The following PARD3B variants were observed in gnomAD, a reference collection of about 807,000 sequenced individuals.
The protein encoded by PARD3B is partitioning defective 3 homolog B.
A neutral mutation model predicts 130.2 loss-of-function variants in PARD3B; 103 were observed. The observed-to-expected ratio is 0.79, with a 90% confidence interval of 0.67 to 0.93. PARD3B has a LOEUF of 0.93. Among genes scored for constraint, PARD3B ranks in the 40% least tolerant of loss-of-function variants. PARD3B has a pLI of 0.00. For missense variants in PARD3B, 1,609 were observed against 1,499.2 expected (o/e 1.07, Z -1.21); for synonymous variants, 583 against 553.2 (o/e 1.05, Z -0.76).
chr2:204,669,709 G>A lies in PARD3B; in HGVS notation c.121-16472G>A, dbSNP rs10168149. Among the ~76,000 whole-genome samples, 4 of 152,044 alleles carry A rather than the reference G, an allele frequency of 2.6e-5. No homozygotes were observed. The highest frequency in any genetic ancestry group is 6.6e-5 in the Admixed American group (1 of 15,232). ...AAAGTATGGTTATCATTACAGAAAAGAATGTAAATATTTGCAACTTCAGTA... is the reference window on the plus strand; with the variant it reads ...AAAGTATGGTTATCATTACAGAAAAAAATGTAAATATTTGCAACTTCAGTA... On this transcript the variant is annotated intron_variant, in intron 1 of 22. Coordinates refer to ENST00000406610, the MANE Select transcript of PARD3B (RefSeq NM_001302769.2). The surrounding 1 kb of genome is among the most constrained non-coding windows in gnomAD (Gnocchi z 4.3).
chr2:205,030,905 G>A (rs1697369605), intron 3 of PARD3B, among the ~76,000 whole-genome samples: 1 of 152,116 alleles, frequency 6.6e-6, no homozygotes, highest in Non-Finnish European at 1.5e-5. Context: ...CTTTTATGCT[G>A]TGCTAAGAAT....
At chr2:204,716,897 C>G (rs2125311753) in intron 2 of PARD3B, among the ~76,000 whole-genome samples, 1 of 152,280 alleles carries the variant, frequency 6.6e-6, no homozygotes, top group East Asian at 1.9e-4. Context: ...GGTGGGATTA[C>G]AGGCGTGAGC....
intron 2 of PARD3B, among the ~76,000 whole-genome samples, chr2:204,745,443 C>T (rs992629719): frequency 2.6e-5 from 4 of 151,360 alleles, no homozygotes; most frequent in African/African-American, 9.7e-5. Flanking sequence ...TGCTCTGTCA[C>T]CTGGGCTGGA....
At position 204,677,183 on chromosome 2, in the gene PARD3B, G is replaced by A. The variant is rs1289519720; in HGVS notation, c.121-8998G>A. The stretch of plus-strand genomic sequence containing the variant: ...TATTTACGGAGGTCTAAGTGTTTAA[G>A]GTAAAACTTTTACATAAAATATAGT... On this transcript the variant is annotated intron_variant, in intron 1 of 22. Transcript: ENST00000406610. This position sits in a 1 kb window ranked among gnomAD's most constrained non-coding sequence, Gnocchi z 4.1. 6.6e-6 allele frequency among the ~76,000 whole-genome samples: 1 copy of A among 151,994 alleles called. No individual in the cohort carries two copies. The highest frequency in any genetic ancestry group is 1.5e-5 in the Non-Finnish European group (1 of 68,008).
rs916184528 is a variant in PARD3B, at chr2:205,585,808, G to A, written c.3261-29648G>A. Among the ~76,000 whole-genome samples the A allele has an allele frequency of 5.9e-5, 9 of 152,134 alleles. No individual in the cohort carries two copies. Among genetic ancestry groups the A allele is most frequent in the African/African-American group, 2.2e-4 (9 of 41,412 alleles). On this transcript the variant is annotated intron_variant, in intron 22 of 22. Transcript: ENST00000406610. The surrounding 1 kb of genome is among the most constrained non-coding windows in gnomAD (Gnocchi z 5.4). ...TGAACTGGATTTCGGTAGCTTTGTG[G>A]GCTCTTGCAGAAAGAAAGCCTTGTC... is the stretch of plus-strand genomic sequence containing the variant.
In PARD3B at chr2:205,352,371, T is replaced by G. The variant is rs1215598623; in HGVS notation, c.2631-48642T>G. Among the ~76,000 whole-genome samples the G allele has an allele frequency of 6.6e-6, 1 of 152,200 alleles. No individual in the cohort carries two copies. Among genetic ancestry groups the G allele is most frequent in the Non-Finnish European group, 1.5e-5 (1 of 68,036 alleles). The stretch of plus-strand genomic sequence containing the variant: ...ATGTCGTGGATTACAGGGACTCTTG[T>G]AAATGGGTTTCATATGGTAACTAGT... On this transcript the variant is annotated intron_variant, in intron 18 of 22. Transcript: ENST00000406610. This position sits in a 1 kb window ranked among gnomAD's most constrained non-coding sequence, Gnocchi z 5.2.
At chr2:205,348,579 T>G (rs538028022) in intron 18 of PARD3B, among the ~76,000 whole-genome samples, 2 of 152,268 alleles carry the variant, frequency 1.3e-5, no homozygotes, top group African/African-American at 4.8e-5. Flanking sequence ...GATCAAAGAA[T>G]CAGGTGGGCA....
intron 3 of PARD3B, among the ~76,000 whole-genome samples, chr2:204,994,994 T>G (rs1477696155): frequency 6.6e-6 from 1 of 151,196 alleles, no homozygotes; most frequent in Admixed American, 6.6e-5. Flanking sequence ...GAGATGGGTT[T>G]CCTGAATACA....
In PARD3B at chr2:205,000,001, G is replaced by A. The variant is rs568052498; in HGVS notation, c.394+34678G>A. On this transcript the variant is annotated intron_variant, in intron 3 of 22. Transcript: ENST00000406610. ...AATTGTTACCAATGAGAAATATAAGGAGTGTTCAAGTCACAGGGTTTTTTT... is the reference window on the plus strand; with the variant it reads ...AATTGTTACCAATGAGAAATATAAGAAGTGTTCAAGTCACAGGGTTTTTTT... Among the ~76,000 whole-genome samples the A allele has an allele frequency of 1.5e-3, 228 of 152,020 alleles. 1 individual carries two copies. The highest frequency in any genetic ancestry group is 5.1e-3 in the African/African-American group (213 of 41,408).
intron 2 of PARD3B, among the ~76,000 whole-genome samples, chr2:204,845,709 A>G (rs920457403): frequency 5.3e-5 from 8 of 152,036 alleles, no homozygotes; most frequent in African/African-American, 1.9e-4. Flanking sequence ...AAGTGAATAG[A>G]CTCTGATTTC....
At chr2:205,384,170 G>A (rs529244690) in intron 18 of PARD3B, among the ~76,000 whole-genome samples, 4 of 152,156 alleles carry the variant, frequency 2.6e-5, no homozygotes, top group African/African-American at 9.6e-5. Flanking sequence ...AGAGAGAATG[G>A]ATAATTGAAA....
At chr2:205,285,389 G>A (rs895927319) in intron 16 of PARD3B, among the ~76,000 whole-genome samples, 1 of 152,136 alleles carries the variant, frequency 6.6e-6, no homozygotes, top group African/African-American at 2.4e-5. Context: ...ATCCTAGCTA[G>A]GGCATGGTAT....
rs554535862 is a variant in PARD3B at position 204,983,086 on chromosome 2, A to G, written c.394+17763A>G. On this transcript the variant is annotated intron_variant, in intron 3 of 22. Transcript: ENST00000406610. Reference sequence around the variant, plus strand: ...TTTAGTGCTTTCTACCTGATTGAGTATTTTTCAGGAGGTTGTTACTGCTGT... The same window carrying G: ...TTTAGTGCTTTCTACCTGATTGAGTGTTTTTCAGGAGGTTGTTACTGCTGT... 1.2e-4 allele frequency among the ~76,000 whole-genome samples: 18 copies of G among 152,080 alleles called. No homozygotes were observed. The South Asian group carries it at 3.7e-3, about 32-fold the overall frequency.
chr2:204,998,440 G>GTGTATATATATGTATATTATATA lies in PARD3B; in HGVS notation c.394+33130_394+33131insATATTATATATGTATATATATGT, dbSNP rs1559341887. On this transcript the variant is annotated intron_variant, in intron 3 of 22. Coordinates refer to ENST00000406610, the MANE Select transcript of PARD3B (RefSeq NM_001302769.2). Reference sequence around the variant, plus strand: ...TGTATATATGTGTATATATATGTGTGTGTATATATATGTGTATATTATATA... The same window carrying GTGTATATATATGTATATTATATA: ...TGTATATATGTGTATATATATGTGTGTGTATATATATGTATATTATATATGTATATATATGTGTATATTATATA... Among the ~76,000 whole-genome samples the GTGTATATATATGTATATTATATA allele has an allele frequency of 8.6e-4, 15 of 17,402 alleles. 1 individual carries two copies. The East Asian group carries it at 0.051, about 60-fold the overall frequency. The allele number at this position is 17,402 out of a possible 152,430, so 11.4% of individuals were successfully genotyped here.
chr2:205,153,821 G>A (rs1288575533), intron 10 of PARD3B, among the ~76,000 whole-genome samples: 3 of 152,210 alleles, frequency 2.0e-5, no homozygotes, highest in Admixed American at 1.3e-4. Context: ...AATAAATGGT[G>A]CTGGGAAAAC....
intron 1 of PARD3B, among the ~76,000 whole-genome samples, chr2:204,553,560 G>GTGTA (rs1491343457): frequency 3.9e-4 from 26 of 66,150 alleles, no homozygotes; most frequent in African/African-American, 1.1e-3. Context: ...GTGTGTGTGT[G>GTGTA]TATATATATA....
chr2:204,861,941 A>G (rs1180711866), intron 2 of PARD3B, among the ~76,000 whole-genome samples: 2 of 151,024 alleles, frequency 1.3e-5, no homozygotes, highest in African/African-American at 2.4e-5. Flanking sequence ...AAAAAAAAAA[A>G]AAAAAAAAAA....
chr2:205,090,825 C>T (rs1702059063), intron 4 of PARD3B, among the ~76,000 whole-genome samples: 1 of 152,136 alleles, frequency 6.6e-6, no homozygotes, highest in African/African-American at 2.4e-5. Context: ...AAAAGATTGG[C>T]CCATTAGTGT....
At chr2:205,149,765 G>T in intron 10 of PARD3B, among the ~76,000 whole-genome samples, 1 of 152,130 alleles carries the variant, frequency 6.6e-6, no homozygotes, top group Non-Finnish European at 1.5e-5. Flanking sequence ...GAATTTGACT[G>T]CATTTGCCAA....
Sources: allele counts gnomAD v4.1 joint callset (sites outside exome capture counted in the v4.1 genomes callset), GRCh38; gene constraint gnomAD v4.1.1; non-coding constraint Gnocchi (gnomAD v3.1); transcripts MANE v1.5; gene names NCBI Gene and HGNC (gene_info 2026-07-23, HGNC 2026-07-21).